Variants in FLT4 observed in about 807,000 individuals in gnomAD.
FLT4 encodes the protein vascular endothelial growth factor receptor 3.
A neutral mutation model predicts 163.2 loss-of-function variants in FLT4; 30 were observed. That is an observed-to-expected ratio of 0.18 (90% CI 0.14 to 0.25). The LOEUF (loss-of-function observed/expected upper bound fraction) is 0.25, where lower values mean the gene tolerates loss of function less well. Among genes scored for constraint, FLT4 ranks in the 10% least tolerant of loss-of-function variants. The pLI, the probability that FLT4 is intolerant of heterozygous loss-of-function variation, is 1.00. For missense variants in FLT4, 1,510 were observed against 1,863.8 expected, an observed-to-expected ratio of 0.81 and a Z score of 3.50; for synonymous variants, 884 against 789.5, an observed-to-expected ratio of 1.12 and a Z score of -2.01.
rs1432909875 is a variant in FLT4, at chr5:180,611,632, G to A, written c.3538-153C>T. The A allele has an allele frequency of 1.0e-5, 8 of 794,012 alleles. No individual in the cohort carries two copies. In the African/African-American group the frequency reaches 1.4e-4, roughly 14 times the overall value. The allele number at this position is 794,012 out of a possible 1,614,324, so 49.2% of individuals were successfully genotyped here. Reference sequence around the variant, plus strand: ...CAGCTCTCGCCCCCGCCCTCGCCCTGCCCTCAGCCCTCGCTCTGCCCTCGG... The same window carrying A: ...CAGCTCTCGCCCCCGCCCTCGCCCTACCCTCAGCCCTCGCTCTGCCCTCGG... On this transcript the variant is annotated intron_variant, in intron 26 of 29. Transcript: ENST00000261937.
chr5:180,602,542 C>T lies in FLT4; in HGVS notation c.*650G>A, dbSNP rs1761568048. 2.5e-6 allele frequency: 1 copy of T among 399,638 alleles called. No homozygotes were observed. Among genetic ancestry groups the T allele is most frequent in the Admixed American group, 4.4e-5 (1 of 22,942 alleles). 24.8% of individuals were successfully genotyped at this position (399,638 alleles called of 1,614,324 possible). On this transcript the variant is annotated 3_prime_UTR_variant, in exon 30 of 30. Transcript: ENST00000261937. Reference sequence around the variant, plus strand: ...TGCAGGATGGCTCTCAACACCCAGGCGCAGGTGTGCGGGCTGCCTCTGTGT... The same window carrying T: ...TGCAGGATGGCTCTCAACACCCAGGTGCAGGTGTGCGGGCTGCCTCTGTGT...
At chr5:180,642,162 G>A (rs181825267) in intron 1 of FLT4, among the ~76,000 whole-genome samples, 65 of 151,196 alleles carry the variant, frequency 4.3e-4, no homozygotes, top group Admixed American at 2.6e-3. Flanking sequence ...GGCCGAGATC[G>A]CGCCACTGCA....
Position 180,620,154 on chromosome 5 carries a change from A to T in FLT4, c.2542+19T>A. On this transcript the variant is annotated intron_variant, in intron 17 of 29. Coordinates refer to ENST00000261937, the MANE Select transcript of FLT4 (RefSeq NM_182925.5). This position sits in a 1 kb window ranked among gnomAD's most constrained non-coding sequence, Gnocchi z 4.4. ...GTCGGGCAGGAGGTGTGGGTTGGGC[A>T]GGCTGGTGCTGGCCTCACCCAGGTG... is the stretch of plus-strand genomic sequence containing the variant. 6.2e-7 allele frequency: 1 copy of T among 1,600,230 alleles called. No individual in the cohort carries two copies. Among genetic ancestry groups the T allele is most frequent in the South Asian group, 1.1e-5 (1 of 90,866 alleles).
At chr5:180,612,466 G>A (rs370437367) in intron 26 of FLT4, 40 bp downstream of exon 26, 46 of 1,480,524 alleles carry the variant, frequency 3.1e-5, no homozygotes, top group Non-Finnish European at 4.2e-5. Flanking sequence ...CAGGGCAGGG[G>A]CCAAAGGCCA....
At chr5:180,607,902 A>G (rs535987522) in intron 29 of FLT4, 4 of 590,876 alleles carry the variant, frequency 6.8e-6, no homozygotes, top group Middle Eastern at 4.4e-4. Flanking sequence ...TCACGCTGGC[A>G]TAAGGGCCGC....
rs1212011200 is a variant in FLT4 at position 180,621,708 on chromosome 5, G to A, written c.1854C>T (p.Thr618=). ...LDCKNVHLFA[T]PLAASLEEVA... The stretch of plus-strand genomic sequence containing the variant: ...CCTCCTCCAGGCTGGCGGCCAGAGG[G>A]GTGGCGAACAGATGCACGTTCTTGC... Residue 618 remains threonine (T), a synonymous_variant, in exon 13 of 30, where the codon ACC becomes ACT. Coordinates refer to ENST00000261937, the MANE Select transcript of FLT4 (RefSeq NM_182925.5). 6.2e-7 allele frequency: 1 copy of A among 1,612,888 alleles called. No homozygotes were observed. Among genetic ancestry groups the A allele is most frequent in the Admixed American group, 1.7e-5 (1 of 60,010 alleles).
intron 21 of FLT4, among the ~76,000 whole-genome samples, chr5:180,618,352 C>A (rs1581637861): frequency 1.1e-5 from 1 of 91,020 alleles, no homozygotes; most frequent in African/African-American, 4.0e-5. Flanking sequence ...CTCTCCTGCC[C>A]CTCAGCCTCT....
chr5:180,648,542 C>A (rs982042029), intron 1 of FLT4, among the ~76,000 whole-genome samples: 4 of 152,160 alleles, frequency 2.6e-5, no homozygotes, highest in Non-Finnish European at 5.9e-5. Flanking sequence ...ACACTGGAAC[C>A]CCTGACCCCG....
chr5:180,613,182 A>G (rs2127795974), intron 24 of FLT4, 72 bp from the exon 25 acceptor site: 1 of 1,072,564 alleles, frequency 9.3e-7, no homozygotes, highest in Non-Finnish European at 1.4e-6. Flanking sequence ...AAGTCACCCC[A>G]TCCTGTCCCT....
rs200485788 is a variant in FLT4, at chr5:180,606,385, CT to C, written c.3893+2582del. On this transcript the variant is annotated intron_variant, in intron 29 of 29. Transcript: ENST00000261937. ...CGCAGCCCCATCTCCTCCGTCACCC[CT>C]GGGTCTGTGTTGCCACATCCCCAAG... is the stretch of plus-strand genomic sequence containing the variant. Among the ~76,000 whole-genome samples, 1,498 of 152,334 alleles carry C rather than the reference CT, an allele frequency of 9.8e-3. 24 individuals carry two copies. The highest frequency in any genetic ancestry group is 0.035 in the African/African-American group (1,437 of 41,570).
At chr5:180,635,948 G>T (rs1359312258) in intron 1 of FLT4, among the ~76,000 whole-genome samples, 5 of 146,310 alleles carry the variant, frequency 3.4e-5, no homozygotes, top group Non-Finnish European at 7.5e-5. Context: ...TGGAAGTATG[G>T]GTGGATGGGT....
rs1561736022 is a variant in FLT4 at position 180,629,016 on chromosome 5, GTCAC to G, written c.986-21_986-18del. On this transcript the variant is annotated intron_variant, in intron 7 of 29. Transcript: ENST00000261937. Reference sequence around the variant, plus strand: ...AGGGATTTTCTGCCGGACAGGAGAAGTCACTGTAAATCCAGGACTGACCCGTCGT... The same window carrying G: ...AGGGATTTTCTGCCGGACAGGAGAAGTGTAAATCCAGGACTGACCCGTCGT... The G allele has an allele frequency of 6.3e-7, 1 of 1,599,500 alleles. No homozygotes were observed. The highest frequency in any genetic ancestry group is 1.7e-5 in the Admixed American group (1 of 60,014).
At chr5:180,637,066 C>T (rs1225001242) in intron 1 of FLT4, among the ~76,000 whole-genome samples, 1 of 152,116 alleles carries the variant, frequency 6.6e-6, no homozygotes, top group African/African-American at 2.4e-5. Flanking sequence ...GACAGAAACA[C>T]CCCACTGGCT....
intron 28 of FLT4, chr5:180,609,333 G>A (rs1050779585): frequency 1.9e-6 from 1 of 535,312 alleles, no homozygotes; most frequent in Non-Finnish European, 3.4e-6. Flanking sequence ...CTCAGTGTGT[G>A]AAGAGCAGGA....
Position 180,618,871 on chromosome 5 carries a change from G to C in FLT4, c.2900C>G (p.Ala967Gly), listed in dbSNP as rs749921612. Residue 967 changes from alanine (A) to glycine (G), a missense_variant, in exon 21 of 30, where the codon GCC (alanine) becomes GGC (glycine). Ala to Gly is a moderately conservative substitution (Grantham distance 60, BLOSUM62 0). Transcript: ENST00000261937. ...RGRFRAMVELARLDRRRPGSS... is the reference protein window; with the variant it reads ...RGRFRAMVELGRLDRRRPGSS... ...CCCCGGCCGCCTCCGATCCAGCCTGGCGAGCTCCACCATGGCGCGGAAGCG... is the reference window on the plus strand; with the variant it reads ...CCCCGGCCGCCTCCGATCCAGCCTGCCGAGCTCCACCATGGCGCGGAAGCG... The C allele has an allele frequency of 5.0e-6, 8 of 1,586,798 alleles. No individual in the cohort carries two copies. The highest frequency in any genetic ancestry group is 6.9e-6 in the Non-Finnish European group (8 of 1,167,300).
intron 1 of FLT4, among the ~76,000 whole-genome samples, chr5:180,645,847 A>G (rs189219863): frequency 6.6e-6 from 1 of 152,148 alleles, no homozygotes; most frequent in African/African-American, 2.4e-5. Flanking sequence ...CCAGCTGGAC[A>G]CACTGACTGA....
At position 180,630,584 on chromosome 5, in the gene FLT4, G is replaced by A. The variant is rs2127838544; in HGVS notation, c.371C>T (p.Thr124Met). Residue 124 changes from threonine to methionine, a missense_variant, in exon 3 of 30, where the codon ACG becomes ATG. Physicochemically the swap from Thr to Met is moderately conservative, Grantham distance 81. Around this residue, in one of 5 missense-constraint regions of FLT4, gnomAD observed 157 missense variants for 178.7 expected, o/e 0.88. Coordinates refer to ENST00000261937, the MANE Select transcript of FLT4 (RefSeq NM_182925.5). This position sits in a 1 kb window ranked among gnomAD's most constrained non-coding sequence, Gnocchi z 6.3. ...KYIKARIEGT[T>M]AASSYVFVRD... ...CACGAACACGTAGGAGCTGGCGGCC[G>A]TGGTGCCCTCGATGCGTGCCTTGAT... is the stretch of plus-strand genomic sequence containing the variant. The A allele has an allele frequency of 1.2e-6, 2 of 1,613,000 alleles. No homozygotes were observed. The highest frequency in any genetic ancestry group is 1.7e-6 in the Non-Finnish European group (2 of 1,179,962).
intron 26 of FLT4, among the ~76,000 whole-genome samples, chr5:180,611,881 C>T (rs1329030533): frequency 6.6e-6 from 1 of 152,206 alleles, no homozygotes; most frequent in African/African-American, 2.4e-5. Flanking sequence ...CAGGCTGGGG[C>T]TCAGCCGGAT....
Position 180,620,840 on chromosome 5 carries a change from G to A in FLT4, c.2299+36C>T, listed in dbSNP as rs990625172. Reference sequence around the variant, plus strand: ...CCACAAGAAAGCGTTAACTGGGGACGGGAAGGGAGTTGAGGGGTGCAGCCT... The same window carrying A: ...CCACAAGAAAGCGTTAACTGGGGACAGGAAGGGAGTTGAGGGGTGCAGCCT... On this transcript the variant is annotated intron_variant, in intron 15 of 29. Coordinates refer to ENST00000261937, the MANE Select transcript of FLT4 (RefSeq NM_182925.5). This position sits in a 1 kb window ranked among gnomAD's most constrained non-coding sequence, Gnocchi z 4.4. The A allele has an allele frequency of 3.1e-6, 5 of 1,609,638 alleles. No individual in the cohort carries two copies. The highest frequency in any genetic ancestry group is 2.2e-5 in the South Asian group (2 of 90,744).
Sources: allele counts gnomAD v4.1 joint callset (sites outside exome capture counted in the v4.1 genomes callset), GRCh38; gene constraint gnomAD v4.1.1; regional missense constraint gnomAD v4.1.1; non-coding constraint Gnocchi (gnomAD v3.1); transcripts MANE v1.5; gene names NCBI Gene and HGNC (gene_info 2026-07-23, HGNC 2026-07-21).